The following ESR1 variants were observed in gnomAD, a reference collection of about 807,000 sequenced individuals.
The protein encoded by ESR1 is estrogen receptor 1.
In ESR1, 12 loss-of-function variants were observed where a neutral mutation model predicts 52.7. The ratio of observed to expected loss-of-function variants is 0.23; its 90% CI spans 0.15 to 0.37. The LOEUF is 0.37. Ranked by LOEUF, ESR1 falls within the 10% of genes least tolerant of loss-of-function variation. The probability of loss-of-function intolerance (pLI) is 1.00; values close to 1 mark genes in which losing one functional copy is unlikely to be tolerated. For synonymous variants in ESR1, 305 were observed against 316.8 expected, an observed-to-expected ratio of 0.96 and a Z score of 0.39; for missense variants, 584 against 779.7, an observed-to-expected ratio of 0.75 and a Z score of 2.99.
chr6:152,026,225 T>G (rs1363021554), intron 5 of ESR1, among the ~76,000 whole-genome samples: 1 of 152,074 alleles, frequency 6.6e-6, no homozygotes, highest in Non-Finnish European at 1.5e-5. Context: ...TCTATTTATC[T>G]TCTTATAATT....
At chr6:151,869,758 A>C (rs548856355) in intron 2 of ESR1, among the ~76,000 whole-genome samples, 1 of 152,320 alleles carries the variant, frequency 6.6e-6, no homozygotes, top group Non-Finnish European at 1.5e-5. Context: ...CCTTTTTTAA[A>C]AATTTTTTTT....
At chr6:151,971,113 G>T (rs1048331346) in intron 4 of ESR1, among the ~76,000 whole-genome samples, 6 of 152,134 alleles carry the variant, frequency 3.9e-5, no homozygotes, top group Admixed American at 3.9e-4. Flanking sequence ...GGCTGCATTT[G>T]TATTAAATTT....
At chr6:152,124,695 A>G (rs74295888) in intron 6 of ESR1, among the ~76,000 whole-genome samples, 9 of 5,938 alleles carry the variant, frequency 1.5e-3, no homozygotes, top group African/African-American at 2.7e-3. Context: ...AAGCTGAGGG[A>G]AAAAAAAAGT....
At chr6:151,718,690 G>A (rs1781233209) in intron 2 of ESR1, among the ~76,000 whole-genome samples, 1 of 152,296 alleles carries the variant, frequency 6.6e-6, no homozygotes, top group South Asian at 2.1e-4. Flanking sequence ...TTTAAATCAT[G>A]CAGTTTTATT....
chr6:151,823,675 A>G lies in ESR1; in HGVS notation c.452+15311A>G, dbSNP rs144188507. On this transcript the variant is annotated intron_variant, in intron 1 of 7. Transcript: ENST00000206249. ...TGTGATGTTCCCCACCCTGTGTCCA[A>G]CTGTTCTCATTGTTCAATTCCCACC... 3.8e-3 allele frequency among the ~76,000 whole-genome samples: 582 copies of G among 151,824 alleles called. 6 individuals are homozygous for G. The highest frequency in any genetic ancestry group is 0.013 in the African/African-American group (551 of 41,362).
intron 1 of ESR1, among the ~76,000 whole-genome samples, chr6:151,677,972 A>AAAAAAAAGTT (rs58791714): frequency 0.063 from 9,545 of 152,034 alleles, 675 homozygotes; most frequent in East Asian, 0.35. Flanking sequence ...AAAAATTAAT[A>AAAAAAAAGTT]AAACGTAATG....
intron 4 of ESR1, among the ~76,000 whole-genome samples, chr6:151,947,489 T>G (rs1478716340): frequency 6.6e-6 from 1 of 152,236 alleles, no homozygotes; most frequent in Non-Finnish European, 1.5e-5. Context: ...GACTTCATTT[T>G]GAATGATGAA....
At chr6:152,125,380 G>A (rs1210225898) in exon 7 of ESR1, 21 of 1,541,254 alleles carry the variant, frequency 1.4e-5, no homozygotes, top group Non-Finnish European at 1.8e-5. Context: ...ACAGTATCCT[G>A]CAGATCATCA....
chr6:152,056,104 T>A (rs2047080119), intron 5 of ESR1, among the ~76,000 whole-genome samples: 2 of 152,338 alleles, frequency 1.3e-5, no homozygotes, highest in South Asian at 4.1e-4. Flanking sequence ...ACTTTCATTT[T>A]AAAATTTTCA....
At chr6:151,772,694 C>T (rs1020138114) in intron 2 of ESR1, among the ~76,000 whole-genome samples, 10 of 152,276 alleles carry the variant, frequency 6.6e-5, no homozygotes, top group Middle Eastern at 3.4e-3. Context: ...ACTGGAAAAT[C>T]CCGGTTAGCA....
chr6:151,715,349 G>A (rs1780946872), intron 2 of ESR1, among the ~76,000 whole-genome samples: 1 of 152,160 alleles, frequency 6.6e-6, no homozygotes, highest in Non-Finnish European at 1.5e-5. Flanking sequence ...TCTTTGTGAT[G>A]TTCTCTGTAT....
chr6:151,731,080 A>G (rs2982564), intron 2 of ESR1, among the ~76,000 whole-genome samples: 33,364 of 152,034 alleles, frequency 0.22, 3,847 homozygotes, highest in Non-Finnish European at 0.24. Context: ...TGCAGGCTGG[A>G]CGCAGTGGCC....
At chr6:151,799,379 A>C (rs1777011823) in intron 2 of ESR1, among the ~76,000 whole-genome samples, 1 of 152,226 alleles carries the variant, frequency 6.6e-6, no homozygotes, top group Non-Finnish European at 1.5e-5. Flanking sequence ...TGTTCTAGAA[A>C]ATATGAATCT....
At chr6:152,059,459 C>A (rs1377356664) in intron 5 of ESR1, among the ~76,000 whole-genome samples, 4 of 151,584 alleles carry the variant, frequency 2.6e-5, no homozygotes, top group Admixed American at 2.6e-4. Flanking sequence ...AAACAAAAAA[C>A]CATAAGAAAA....
At chr6:151,840,746 T>C (rs548722883) in intron 1 of ESR1, among the ~76,000 whole-genome samples, 3 of 152,326 alleles carry the variant, frequency 2.0e-5, no homozygotes, top group South Asian at 4.1e-4. Context: ...CTATCATCAA[T>C]TGACTTTAGC....
chr6:151,683,870 T>A (rs1000096334), intron 1 of ESR1, among the ~76,000 whole-genome samples: 27 of 149,546 alleles, frequency 1.8e-4, no homozygotes, highest in Admixed American at 1.4e-3. Context: ...GGCTATTTTT[T>A]TTTTTTTTTT....
At chr6:152,104,697 A>G (rs2051041931), downstream of ESR1, among the ~76,000 whole-genome samples, 2 of 152,142 alleles carry the variant, frequency 1.3e-5, no homozygotes, top group African/African-American at 4.8e-5. Flanking sequence ...TTTTGTTCTA[A>G]TATTTGGTCT....
At chr6:152,032,780 G>A (rs1446918566) in intron 5 of ESR1, among the ~76,000 whole-genome samples, 2 of 152,164 alleles carry the variant, frequency 1.3e-5, no homozygotes, top group African/African-American at 4.8e-5. Flanking sequence ...CACAGAATTG[G>A]AAAAAACTAC....
At position 151,699,896 on chromosome 6, in the gene ESR1, G is replaced by T. The variant is rs112893959; in HGVS notation, c.-201-1979G>T. ...ATTATCTGAAGTGGGCAGTGGAGAC[G>T]GCCAAACCAGATAATATATAACCAG... is the stretch of plus-strand genomic sequence containing the variant. On this transcript the variant is annotated intron_variant, in intron 1 of 2. Transcript: ENST00000404742. Among the ~76,000 whole-genome samples, 83 of 151,980 alleles carry T rather than the reference G, an allele frequency of 5.5e-4. 1 individual carries two copies. The highest frequency in any genetic ancestry group is 2.9e-5 in the Non-Finnish European group (2 of 68,010).
Sources: gnomAD v4.1 joint callset for allele counts (sites outside exome capture counted in the v4.1 genomes callset) on GRCh38, gnomAD v4.1.1 for gene constraint, MANE v1.5 for transcripts, NCBI Gene and HGNC (gene_info 2026-07-23, HGNC 2026-07-21) for gene names.